SHB: variants seen among roughly 807,000 people sequenced by gnomAD.
The protein encoded by SHB is SH2 domain containing adaptor protein B.
A neutral mutation model predicts 52.3 loss-of-function variants in SHB; 20 were observed. The observed-to-expected ratio is 0.38, with a 90% CI of 0.27 to 0.56. The LOEUF (loss-of-function observed/expected upper bound fraction) is 0.56. SHB is among the 20% of genes least tolerant of loss of function. The pLI, the probability that SHB is intolerant of heterozygous loss-of-function variation, is 0.71. For missense variants in SHB, 825 were observed against 723.3 expected, an observed-to-expected ratio of 1.14 and a Z score of -1.61; for synonymous variants, 397 against 316.5, an observed-to-expected ratio of 1.25 and a Z score of -2.70.
intron 2 of SHB, among the ~76,000 whole-genome samples, chr9:37,975,285 C>T (rs534026464): frequency 1.3e-5 from 2 of 152,230 alleles, no homozygotes; most frequent in African/African-American, 4.8e-5. Flanking sequence ...CATGCAGTTC[C>T]CAGTTCCCAC....
chr9:38,042,173 C>A (rs539734292), intron 1 of SHB, among the ~76,000 whole-genome samples: 1 of 152,308 alleles, frequency 6.6e-6, no homozygotes, highest in South Asian at 2.1e-4. Flanking sequence ...ACCCTCTGTG[C>A]CCCTGTCTCC....
At chr9:38,016,260 G>T in intron 1 of SHB, 129 bp from the exon 2 acceptor site, 3 of 902,472 alleles carry the variant, frequency 3.3e-6, no homozygotes, top group Non-Finnish European at 5.0e-6. Flanking sequence ...TAAAGCCGGC[G>T]CCCGGACTCA....
rs543284861 is a variant in SHB, at chr9:38,000,727, G to A, written c.838+15284C>T. On this transcript the variant is annotated intron_variant, in intron 2 of 5. Transcript: ENST00000377707. ...ATAAAGTGCATGGCATTTGGCCCTC[G>A]GAAGCCCCTCAAGGCTGAGAGGCTT... 2.7e-3 allele frequency among the ~76,000 whole-genome samples: 404 copies of A among 152,314 alleles called. 5 individuals carry two copies. Among genetic ancestry groups the A allele is most frequent in the African/African-American group, 9.4e-3 (389 of 41,562 alleles).
intron 2 of SHB, among the ~76,000 whole-genome samples, chr9:37,999,506 G>C (rs752882477): frequency 1.3e-5 from 2 of 152,176 alleles, no homozygotes; most frequent in Non-Finnish European, 2.9e-5. Context: ...TCGAAAGTAG[G>C]CTTCTGTGGA....
Position 38,032,152 on chromosome 9 carries a change from T to C in SHB, c.718-16021A>G, listed in dbSNP as rs530674007. Among the ~76,000 whole-genome samples the C allele has an allele frequency of 2.0e-5, 3 of 152,270 alleles. No homozygotes were observed. In the East Asian group the frequency reaches 5.8e-4, roughly 29 times the overall value. ...AGGCAGGAGGCTAAGGGACGATGCT[T>C]ACAGAGGGGGCACCGCCTAGAGAGC... is the stretch of plus-strand genomic sequence containing the variant. On this transcript the variant is annotated intron_variant, in intron 1 of 5. Coordinates refer to ENST00000377707, the MANE Select transcript of SHB (RefSeq NM_003028.3).
At chr9:38,036,744 T>C (rs12338824) in intron 1 of SHB, among the ~76,000 whole-genome samples, 21,452 of 152,206 alleles carry the variant, frequency 0.14, 3,378 homozygotes, top group African/African-American at 0.38. Flanking sequence ...TGGGAGAAGC[T>C]GAATAATAAT....
intron 2 of SHB, among the ~76,000 whole-genome samples, chr9:38,000,365 G>C (rs2118038345): frequency 6.6e-6 from 1 of 152,302 alleles, no homozygotes; most frequent in East Asian, 1.9e-4. Flanking sequence ...TACAGGATGG[G>C]GCCTAGGAAT....
intron 2 of SHB, among the ~76,000 whole-genome samples, chr9:37,976,340 T>C (rs904496838): frequency 6.6e-6 from 1 of 152,192 alleles, no homozygotes; most frequent in Non-Finnish European, 1.5e-5. Flanking sequence ...CCAGCCAACA[T>C]TGACCATTTT....
rs1292510367 is a variant in SHB at position 37,917,450 on chromosome 9, G to C, written c.*2371C>G. Among the ~76,000 whole-genome samples, 1 of 152,324 alleles carries C rather than the reference G, an allele frequency of 6.6e-6. No individual in the cohort carries two copies. The highest frequency in any genetic ancestry group is 3.4e-3 in the Middle Eastern group (1 of 294). ...CTTTTCTGAGGAGCAATGTGCCCGG[G>C]AAGATGGTCTACAGGGAAGGACCGT... On this transcript the variant is annotated 3_prime_UTR_variant, in exon 6 of 6. Transcript: ENST00000377707.
At chr9:38,042,421 G>C (rs2118144293) in intron 1 of SHB, among the ~76,000 whole-genome samples, 1 of 152,318 alleles carries the variant, frequency 6.6e-6, no homozygotes, top group Non-Finnish European at 1.5e-5. Context: ...GGAGGCCCCA[G>C]TCCCGCTCAG....
intron 1 of SHB, among the ~76,000 whole-genome samples, chr9:38,018,940 G>A (rs1012937182): frequency 5.3e-5 from 8 of 152,198 alleles, no homozygotes; most frequent in African/African-American, 9.7e-5. Flanking sequence ...GATTTCTGAC[G>A]GGATTGCTTT....
chr9:38,063,199 A>G (rs997486952), intron 1 of SHB, among the ~76,000 whole-genome samples: 6 of 152,206 alleles, frequency 3.9e-5, no homozygotes, highest in African/African-American at 1.4e-4. Context: ...GACCTTTGCC[A>G]TTAGTGATAT....
chr9:37,959,373 A>G (rs571134691), intron 3 of SHB, among the ~76,000 whole-genome samples: 7 of 152,140 alleles, frequency 4.6e-5, no homozygotes, highest in Admixed American at 4.6e-4. Context: ...ACAACTCAGC[A>G]GGCATCCTGG....
At chr9:38,037,349 T>C (rs1056163564) in intron 1 of SHB, among the ~76,000 whole-genome samples, 2 of 152,192 alleles carry the variant, frequency 1.3e-5, no homozygotes, top group African/African-American at 2.4e-5. Context: ...TTCCGACACC[T>C]GCCCCCACCA....
At chr9:38,037,579 T>G (rs1191111891) in intron 1 of SHB, among the ~76,000 whole-genome samples, 1 of 152,196 alleles carries the variant, frequency 6.6e-6, no homozygotes, top group African/African-American at 2.4e-5. Context: ...GGCCTCAGTT[T>G]CTTCACTATA....
At chr9:37,932,207 A>T in intron 5 of SHB, among the ~76,000 whole-genome samples, 1 of 147,176 alleles carries the variant, frequency 6.8e-6, no homozygotes, top group East Asian at 2.0e-4. Context: ...ACTTGAACCC[A>T]GGAGGCAGTG....
chr9:37,941,416 A>T (rs1156601895), intron 5 of SHB, among the ~76,000 whole-genome samples: 1 of 152,202 alleles, frequency 6.6e-6, no homozygotes, highest in Non-Finnish European at 1.5e-5. Flanking sequence ...TTTGCCCAAC[A>T]CTACCCTGTT....
At chr9:37,997,215 A>G (rs1587235688) in intron 2 of SHB, among the ~76,000 whole-genome samples, 2 of 152,228 alleles carry the variant, frequency 1.3e-5, no homozygotes, top group East Asian at 3.9e-4. Context: ...CACAGGCTGT[A>G]TCTCCATTTG....
At chr9:38,006,230 T>G (rs1364395945) in intron 2 of SHB, among the ~76,000 whole-genome samples, 3 of 152,168 alleles carry the variant, frequency 2.0e-5, no homozygotes, top group Non-Finnish European at 2.9e-5. Flanking sequence ...TGACCTGGCC[T>G]AGATGATTGC....
Sources: gnomAD v4.1 joint callset for allele counts (sites outside exome capture counted in the v4.1 genomes callset) on GRCh38, gnomAD v4.1.1 for gene constraint, MANE v1.5 for transcripts, NCBI Gene and HGNC (gene_info 2026-07-23, HGNC 2026-07-21) for gene names.